Variants in RERE observed in about 807,000 individuals in gnomAD.
The protein encoded by RERE is arginine-glutamic acid dipeptide repeats protein.
Under a neutral mutation model 146.1 loss-of-function variants are expected in RERE, and 40 were observed. That is an observed-to-expected ratio of 0.27 (90% CI 0.21 to 0.36). The LOEUF (loss-of-function observed/expected upper bound fraction) is 0.36, where lower values mean the gene tolerates loss of function less well. RERE is among the 10% of genes least tolerant of loss of function. RERE has a pLI of 1.00. For missense variants in RERE, 1,933 were observed against 2,138.7 expected (o/e 0.90, Z 1.90); for synonymous variants, 1,003 against 866.0 (o/e 1.16, Z -2.78).
At chr1:8,612,841 CGTAAGATGTCA>C (rs753121533) in intron 4 of RERE, among the ~76,000 whole-genome samples, 18 of 152,112 alleles carry the variant, frequency 1.2e-4, no homozygotes, top group Non-Finnish European at 8.8e-5. Context: ...TAATTTGTCC[CGTAAGATGTCA>C]GTCTTTCTCT....
At chr1:8,486,025 C>G (rs886905438) in intron 10 of RERE, among the ~76,000 whole-genome samples, 19 of 152,134 alleles carry the variant, frequency 1.2e-4, no homozygotes, top group African/African-American at 4.6e-4. Context: ...TTCTCGATCT[C>G]TTGACCTTGT....
At chr1:8,450,790 T>G (rs576634740) in intron 11 of RERE, among the ~76,000 whole-genome samples, 1 of 152,280 alleles carries the variant, frequency 6.6e-6, no homozygotes, top group South Asian at 2.1e-4. Context: ...ATCTCCTTCT[T>G]ATCCTGTGAC....
intron 12 of RERE, among the ~76,000 whole-genome samples, chr1:8,396,365 G>A (rs1025120970): frequency 6.6e-6 from 1 of 152,158 alleles, no homozygotes; most frequent in Non-Finnish European, 1.5e-5. Flanking sequence ...CACATACAAA[G>A]TACCTGCCCT....
intron 2 of RERE, among the ~76,000 whole-genome samples, chr1:8,635,686 A>G (rs1221759538): frequency 6.6e-6 from 1 of 152,218 alleles, no homozygotes; most frequent in Non-Finnish European, 1.5e-5. Context: ...ATTCTAAACA[A>G]AGTATATGAA....
chr1:8,569,136 A>G (rs1481565815), intron 4 of RERE, among the ~76,000 whole-genome samples: 3 of 152,140 alleles, frequency 2.0e-5, no homozygotes, highest in African/African-American at 7.2e-5. Flanking sequence ...CTTTGGTCCA[A>G]AGGATTTCTC....
At chr1:8,653,225 T>C (rs532663707) in intron 2 of RERE, among the ~76,000 whole-genome samples, 20 of 152,234 alleles carry the variant, frequency 1.3e-4, no homozygotes, top group Admixed American at 5.2e-4. Context: ...TGGTGAAATG[T>C]CCCCACTGAC....
At chr1:8,564,870 G>GTGTGTGTGTGTGTGTGTATA (rs1269710840) in intron 4 of RERE, among the ~76,000 whole-genome samples, 1 of 127,340 alleles carries the variant, frequency 7.9e-6, no homozygotes, top group Non-Finnish European at 1.6e-5. Context: ...GTGTGTGTGT[G>GTGTGTGTGTGTGTGTGTATA]TATATATATA....
intron 11 of RERE, among the ~76,000 whole-genome samples, chr1:8,455,796 T>C (rs1644446818): frequency 6.6e-6 from 1 of 152,184 alleles, no homozygotes; most frequent in African/African-American, 2.4e-5. Context: ...ACTTCCTAGT[T>C]TTGTGTGGAG....
chr1:8,422,668 G>A, intron 12 of RERE, 59 bp downstream of exon 12: 1 of 1,230,488 alleles, frequency 8.1e-7, no homozygotes, highest in Non-Finnish European at 1.2e-6. Flanking sequence ...ATCAAATGTG[G>A]AGAGGCAGCA....
intron 12 of RERE, among the ~76,000 whole-genome samples, chr1:8,373,611 G>A (rs1238115608): frequency 6.6e-6 from 1 of 152,212 alleles, no homozygotes; most frequent in Non-Finnish European, 1.5e-5. Context: ...CTGTGGCCCT[G>A]AGAGCCGGTC....
At chr1:8,657,301 C>T (rs1246298056) in intron 1 of RERE, among the ~76,000 whole-genome samples, 1 of 90,552 alleles carries the variant, frequency 1.1e-5, no homozygotes, top group African/African-American at 4.1e-5. Flanking sequence ...CGAGAGACTC[C>T]GTCTCAAAAA....
chr1:8,466,106 CTA>C, intron 10 of RERE, 83 bp from the exon 11 acceptor site: 1 of 1,110,740 alleles, frequency 9.0e-7, no homozygotes, highest in Non-Finnish European at 1.3e-6. Flanking sequence ...TCCTCATTGA[CTA>C]TCTCCCACAG....
intron 7 of RERE, among the ~76,000 whole-genome samples, chr1:8,534,078 T>A (rs746459422): frequency 1.6e-4 from 24 of 152,224 alleles, no homozygotes; most frequent in Non-Finnish European, 2.9e-4. Flanking sequence ...TAGCTGCTCA[T>A]CTTCAAAAGC....
At chr1:8,786,293 G>A in intron 1 of RERE, 5 of 934,604 alleles carry the variant, frequency 5.3e-6, no homozygotes, top group Non-Finnish European at 8.6e-6. Context: ...ATTCTATCTT[G>A]TGGAGAAAAT....
In RERE at chr1:8,705,587, G is replaced by A. The variant is rs527896143; in HGVS notation, c.-144-49146C>T. On this transcript the variant is annotated intron_variant, in intron 1 of 22. Coordinates refer to ENST00000400908, the MANE Select transcript of RERE (RefSeq NM_001042681.2). Reference sequence around the variant, plus strand: ...TCACAGCATTGATCTCCGTTTGTAAGTCATGGGTGTGATTTTTTTTAACAC... The same window carrying A: ...TCACAGCATTGATCTCCGTTTGTAAATCATGGGTGTGATTTTTTTTAACAC... 2.6e-3 allele frequency among the ~76,000 whole-genome samples: 393 copies of A among 152,262 alleles called. 2 individuals are homozygous for A. The highest frequency in any genetic ancestry group is 9.0e-3 in the African/African-American group (373 of 41,566).
intron 3 of RERE, among the ~76,000 whole-genome samples, chr1:8,618,409 C>T (rs1570521461): frequency 1.3e-5 from 2 of 152,124 alleles, no homozygotes; most frequent in Admixed American, 6.6e-5. Context: ...TCAAAGTCCG[C>T]GCTCTGAACC....
At chr1:8,516,604 T>C (rs1645423433) in intron 7 of RERE, among the ~76,000 whole-genome samples, 3 of 151,914 alleles carry the variant, frequency 2.0e-5, no homozygotes, top group African/African-American at 7.3e-5. Context: ...AAACAGCAAA[T>C]AAGTGGAGAA....
chr1:8,486,482 A>C (rs1644901018), intron 10 of RERE, among the ~76,000 whole-genome samples: 1 of 152,202 alleles, frequency 6.6e-6, no homozygotes, highest in African/African-American at 2.4e-5. Context: ...AAAAAATTCA[A>C]AACATTTTTG....
At chr1:8,655,319 G>A (rs551883462) in intron 2 of RERE, among the ~76,000 whole-genome samples, 17 of 151,572 alleles carry the variant, frequency 1.1e-4, no homozygotes, top group Non-Finnish European at 2.2e-4. Context: ...CAATTCTCCC[G>A]TCTCAGCCTC....
Sources: gnomAD v4.1 joint callset for allele counts (sites outside exome capture counted in the v4.1 genomes callset) on GRCh38, gnomAD v4.1.1 for gene constraint, MANE v1.5 for transcripts, NCBI Gene and HGNC (gene_info 2026-07-23, HGNC 2026-07-21) for gene names.